TNKS: variants seen among roughly 807,000 people sequenced by gnomAD.
The protein encoded by TNKS is poly [ADP-ribose] polymerase tankyrase-1.
Under a neutral mutation model 135.8 loss-of-function variants are expected in TNKS, and 72 were observed. That is an observed-to-expected ratio of 0.53 (90% CI 0.44 to 0.64). The LOEUF is 0.64. TNKS is among the 30% of genes least tolerant of loss of function. The probability of loss-of-function intolerance (pLI) is 0.00; values close to 1 mark genes in which losing one functional copy is unlikely to be tolerated. For missense variants in TNKS, 1,769 were observed against 1,674.0 expected (o/e 1.06, Z -0.99); for synonymous variants, 849 against 649.3 (o/e 1.31, Z -4.68).
At chr8:9,590,218 T>C (rs1798539812) in intron 2 of TNKS, among the ~76,000 whole-genome samples, 1 of 152,136 alleles carries the variant, frequency 6.6e-6, no homozygotes, top group Admixed American at 6.5e-5. Context: ...ATGGACTTCA[T>C]CCTCATGTCC....
rs956812353 is a variant in TNKS at position 9,581,598 on chromosome 8, G to A, written c.898+1215G>A. Among the ~76,000 whole-genome samples the A allele has an allele frequency of 2.6e-5, 4 of 152,158 alleles. No homozygotes were observed. The East Asian group carries it at 5.8e-4, about 22-fold the overall frequency. On this transcript the variant is annotated intron_variant, in intron 2 of 26. Coordinates refer to ENST00000310430, the MANE Select transcript of TNKS (RefSeq NM_003747.3). ...ATTGAGCTTGGAATGTGTTTCCTAC[G>A]TAGTCTTCTAGGCTTTCATCTTCTC... is the stretch of plus-strand genomic sequence containing the variant.
intron 2 of TNKS, among the ~76,000 whole-genome samples, chr8:9,608,719 G>C (rs1305760669): frequency 6.6e-6 from 1 of 152,142 alleles, no homozygotes; most frequent in East Asian, 1.9e-4. Context: ...TCTGCCTTGA[G>C]TTTGGATTTC....
chr8:9,559,308 A>AT (rs959945435), intron 1 of TNKS, among the ~76,000 whole-genome samples: 4 of 152,168 alleles, frequency 2.6e-5, no homozygotes, highest in African/African-American at 9.7e-5. Flanking sequence ...TTGTAGGTAG[A>AT]TTTTTTTAAA....
intron 1 of TNKS, chr8:9,574,924 C>T: frequency 1.8e-6 from 1 of 544,676 alleles, no homozygotes; most frequent in Non-Finnish European, 2.3e-6. Context: ...AGATATGAGG[C>T]TTAGAAATAT....
intron 17 of TNKS, among the ~76,000 whole-genome samples, chr8:9,742,177 G>T (rs1168556436): frequency 6.6e-6 from 1 of 152,122 alleles, no homozygotes. Context: ...TTACCTCATT[G>T]TGAGGGTGGA....
At chr8:9,745,325 A>G (rs979459804) in intron 17 of TNKS, among the ~76,000 whole-genome samples, 1 of 152,218 alleles carries the variant, frequency 6.6e-6, no homozygotes, top group Non-Finnish European at 1.5e-5. Flanking sequence ...ATAATCCCAG[A>G]AGAATCACAA....
Position 9,765,784 on chromosome 8 carries a change from C to T in TNKS, c.3540C>T (p.Arg1180=), listed in dbSNP as rs1227947308. The T allele has an allele frequency of 9.9e-6, 16 of 1,613,626 alleles. No individual in the cohort carries two copies. Among genetic ancestry groups the T allele is most frequent in the Non-Finnish European group, 1.4e-5 (16 of 1,179,776 alleles). ...SEENHNHHNE[R]MLFHGSPFIN... is the part of the protein sequence containing the mutation. ...AGAATCACAACCATCACAATGAGCG[C>T]ATGTTGTTTCATGGTAAGCAGCGTG... Residue 1180 remains arginine, a synonymous_variant, in exon 24 of 27, where the codon CGC becomes CGT. Coordinates refer to ENST00000310430, the MANE Select transcript of TNKS (RefSeq NM_003747.3).
intron 18 of TNKS, among the ~76,000 whole-genome samples, chr8:9,748,792 A>G (rs1806373089): frequency 6.6e-6 from 1 of 152,254 alleles, no homozygotes; most frequent in African/African-American, 2.4e-5. Context: ...GCTTAAAATA[A>G]TAATGACTTA....
rs778934076 is a variant in TNKS at position 9,763,210 on chromosome 8, C to A, written c.3338C>A (p.Pro1113Gln). The stretch of plus-strand genomic sequence containing the variant: ...GGAACGATTTTGCTGGATCTTGCTC[C>A]AGAAGATAAAGAATATCAGTCAGTG... ...NQGTILLDLA[P>Q]EDKEYQSVEE... Residue 1113 changes from proline (P) to glutamine (Q), a missense_variant, in exon 22 of 27, where the codon CCA becomes CAA. Coordinates refer to ENST00000310430, the MANE Select transcript of TNKS (RefSeq NM_003747.3). 2.5e-6 allele frequency: 4 copies of A among 1,607,602 alleles called. No homozygotes were observed. The East Asian group carries it at 6.7e-5, about 27-fold the overall frequency.
chr8:9,753,800 C>A (rs921215572), intron 20 of TNKS, among the ~76,000 whole-genome samples: 1 of 152,154 alleles, frequency 6.6e-6, no homozygotes. Flanking sequence ...TTAAAGTGTG[C>A]CAAAATCTGC....
intron 3 of TNKS, among the ~76,000 whole-genome samples, chr8:9,657,140 C>A (rs1356330706): frequency 4.4e-5 from 6 of 136,262 alleles, no homozygotes; most frequent in Admixed American, 4.2e-4. Context: ...GTTGGGCACA[C>A]CTCCCAGACG....
intron 3 of TNKS, among the ~76,000 whole-genome samples, chr8:9,654,817 G>A (rs1195131350): frequency 6.6e-6 from 1 of 152,240 alleles, no homozygotes; most frequent in Non-Finnish European, 1.5e-5. Context: ...CTCCCAGCGT[G>A]AGCGACACAG....
intron 3 of TNKS, among the ~76,000 whole-genome samples, chr8:9,634,793 A>C (rs1342057090): frequency 6.6e-6 from 1 of 151,912 alleles, no homozygotes; most frequent in Non-Finnish European, 1.5e-5. Context: ...TTATTAAAAG[A>C]CACCAAAACT....
intron 2 of TNKS, among the ~76,000 whole-genome samples, chr8:9,594,261 A>T (rs181475659): frequency 6.6e-6 from 1 of 152,336 alleles, no homozygotes; most frequent in East Asian, 1.9e-4. Flanking sequence ...CATTATTAGA[A>T]GTGATAGTTG....
intron 2 of TNKS, among the ~76,000 whole-genome samples, chr8:9,585,568 A>G (rs927594790): frequency 2.3e-4 from 35 of 152,340 alleles, no homozygotes; most frequent in African/African-American, 7.2e-4. Context: ...TTCATTTACA[A>G]TATTGACAGC....
At chr8:9,752,743 C>A in intron 20 of TNKS, 117 bp downstream of exon 20, 1 of 646,996 alleles carries the variant, frequency 1.5e-6, no homozygotes, top group Non-Finnish European at 2.5e-6. Context: ...TTGCTTGAGC[C>A]CAGGAGTTTG....
intron 11 of TNKS, among the ~76,000 whole-genome samples, chr8:9,718,013 T>A (rs6601356): frequency 0.9 from 135,839 of 151,726 alleles, 61,024 homozygotes; most frequent in Non-Finnish European, 0.94. Context: ...TTTGTTAAAC[T>A]GTCAGAAGTT....
At chr8:9,743,382 G>A (rs778417346) in intron 17 of TNKS, 1 of 152,106 alleles carries the variant, frequency 6.6e-6, no homozygotes, top group Non-Finnish European at 1.5e-5. Context: ...TGAATATCTG[G>A]GATCTAGTCT....
chr8:9,766,292 T>C lies in TNKS; in HGVS notation c.3607T>C (p.Tyr1203His). 6.2e-7 allele frequency: 1 copy of C among 1,613,932 alleles called. No individual in the cohort carries two copies. The highest frequency in any genetic ancestry group is 8.5e-7 in the Non-Finnish European group (1 of 1,179,944). The change falls in exon 25 of 27, where the codon TAC becomes CAC. Residue 1203 changes from tyrosine (Y) to histidine (H), a missense_variant. Tyr to His is a moderately conservative substitution (Grantham distance 83). Transcript: ENST00000310430. ...TAAAGGGTTTGATGAGCGACATGCA[T>C]ACATAGGAGGAATGTTTGGGGCCGG... ...IHKGFDERHAYIGGMFGAGIY... is the reference protein window; with the variant it reads ...IHKGFDERHAHIGGMFGAGIY...
Sources: gnomAD v4.1 joint callset for allele counts (sites outside exome capture counted in the v4.1 genomes callset) on GRCh38, gnomAD v4.1.1 for gene constraint, MANE v1.5 for transcripts, NCBI Gene and HGNC (gene_info 2026-07-23, HGNC 2026-07-21) for gene names.